WDFY1: variants seen among roughly 807,000 people sequenced by gnomAD.
WDFY1 encodes WD repeat and FYVE domain containing 1.
A neutral mutation model predicts 56.4 loss-of-function variants in WDFY1; 32 were observed. The ratio of observed to expected loss-of-function variants is 0.57; its 90% CI spans 0.43 to 0.76. WDFY1 has a LOEUF of 0.76. Ranked by LOEUF, WDFY1 falls within the 30% of genes least tolerant of loss-of-function variation. The probability of loss-of-function intolerance (pLI) is 0.00; values close to 1 mark genes in which losing one functional copy is unlikely to be tolerated. For synonymous variants in WDFY1, 192 were observed against 197.3 expected (o/e 0.97, Z 0.23); for missense variants, 480 against 545.7 (o/e 0.88, Z 1.20).
At chr2:223,889,849 C>T (rs1574759934) in intron 8 of WDFY1, among the ~76,000 whole-genome samples, 1 of 152,176 alleles carries the variant, frequency 6.6e-6, no homozygotes, top group South Asian at 2.1e-4. Context: ...CATCTAAGTC[C>T]AGGCAATGTG....
chr2:223,894,453 C>CT, intron 7 of WDFY1, 114 bp from the exon 8 acceptor site: 6 of 976,070 alleles, frequency 6.1e-6, no homozygotes, highest in Non-Finnish European at 8.0e-6. Flanking sequence ...TATTTTACCA[C>CT]TGACTATTTA....
intron 11 of WDFY1, among the ~76,000 whole-genome samples, chr2:223,879,607 T>C (rs868061449): frequency 7.1e-4 from 108 of 151,098 alleles, no homozygotes; most frequent in African/African-American, 2.5e-3. Context: ...CCGCAGTGAG[T>C]AGTGACTGTG....
intron 8 of WDFY1, among the ~76,000 whole-genome samples, chr2:223,893,470 CAG>C (rs1363787570): frequency 3.3e-5 from 5 of 151,040 alleles, no homozygotes; most frequent in African/African-American, 9.8e-5. Flanking sequence ...GTTGAGGCTG[CAG>C]AGAGCCAAGA....
At chr2:223,915,147 T>C (rs147977401) in intron 2 of WDFY1, among the ~76,000 whole-genome samples, 1 of 152,238 alleles carries the variant, frequency 6.6e-6, no homozygotes, top group Admixed American at 6.5e-5. Flanking sequence ...TTTCTTCTTG[T>C]GGTGTATCTG....
intron 1 of WDFY1, among the ~76,000 whole-genome samples, chr2:223,941,246 C>T (rs952850688): frequency 8.6e-5 from 13 of 151,636 alleles, no homozygotes; most frequent in African/African-American, 2.9e-4. Context: ...CGTGAGCCAC[C>T]GCACTTGGCC....
At chr2:223,884,599 T>C (rs369058536) in intron 9 of WDFY1, 49 bp downstream of exon 9, 75 of 1,562,490 alleles carry the variant, frequency 4.8e-5, no homozygotes, top group Middle Eastern at 1.7e-4. Context: ...AGTATGCAAA[T>C]AGTGAAATAC....
rs146465725 is a variant in WDFY1, at chr2:223,921,813, C to T, written c.138-3803G>A. Among the ~76,000 whole-genome samples, 157 of 152,116 alleles carry T rather than the reference C, an allele frequency of 1.0e-3. 1 individual carries two copies. Among genetic ancestry groups the T allele is most frequent in the African/African-American group, 3.6e-3 (148 of 41,512 alleles). On this transcript the variant is annotated intron_variant, in intron 1 of 11. Coordinates refer to ENST00000233055, the MANE Select transcript of WDFY1 (RefSeq NM_020830.5). ...CGCTGTTTGTTTTTTAAGAATTAAA[C>T]GATAATTCCCATATATCACGTTTGC... is the stretch of plus-strand genomic sequence containing the variant.
At chr2:223,901,106 A>G (rs1693500286) in intron 5 of WDFY1, 77 bp downstream of exon 5, 2 of 1,485,106 alleles carry the variant, frequency 1.3e-6, no homozygotes, top group Non-Finnish European at 1.8e-6. Flanking sequence ...GATCTCAGCC[A>G]TTTGGGATGA....
chr2:223,900,277 A>G (rs1165387844), intron 5 of WDFY1, among the ~76,000 whole-genome samples: 1 of 152,228 alleles, frequency 6.6e-6, no homozygotes, highest in Admixed American at 6.5e-5. Context: ...AGCACATACT[A>G]TATCAGAGTA....
intron 4 of WDFY1, among the ~76,000 whole-genome samples, chr2:223,904,518 G>T (rs1169241680): frequency 6.6e-6 from 1 of 152,184 alleles, no homozygotes; most frequent in East Asian, 1.9e-4. Flanking sequence ...CTCCCAAAGT[G>T]CTGGGATTAC....
intron 1 of WDFY1, among the ~76,000 whole-genome samples, chr2:223,931,333 A>G (rs1694068530): frequency 6.6e-6 from 1 of 152,228 alleles, no homozygotes; most frequent in Admixed American, 6.5e-5. Flanking sequence ...AAACTTCTGT[A>G]TGCTTTACCT....
Position 223,902,125 on chromosome 2 carries a change from T to A in WDFY1, c.335-792A>T, listed in dbSNP as rs114809475. On this transcript the variant is annotated intron_variant, in intron 4 of 11. Coordinates refer to ENST00000233055, the MANE Select transcript of WDFY1 (RefSeq NM_020830.5). ...AGAAACTGCTGACCTTGCTCTCAGC[T>A]GTACAGACTGCTTAGGAAGAACTGA... is the stretch of plus-strand genomic sequence containing the variant. 3.2e-3 allele frequency among the ~76,000 whole-genome samples: 495 copies of A among 152,318 alleles called. 2 individuals carry two copies. The highest frequency in any genetic ancestry group is 0.011 in the African/African-American group (448 of 41,572).
intron 2 of WDFY1, among the ~76,000 whole-genome samples, chr2:223,915,291 C>T (rs1395470469): frequency 6.6e-6 from 1 of 152,212 alleles, no homozygotes; most frequent in Non-Finnish European, 1.5e-5. Flanking sequence ...CTTTCAAGTT[C>T]CTCCTTCTTG....
chr2:223,898,833 T>A, intron 6 of WDFY1, 125 bp downstream of exon 6: 1 of 716,894 alleles, frequency 1.4e-6, no homozygotes, highest in Non-Finnish European at 2.4e-6. Context: ...ATCCCATATC[T>A]GGCCAATCAA....
intron 9 of WDFY1, among the ~76,000 whole-genome samples, chr2:223,883,181 G>A (rs897687945): frequency 5.3e-5 from 8 of 152,196 alleles, no homozygotes; most frequent in South Asian, 2.1e-4. Flanking sequence ...CATCATACCC[G>A]GTCTAAAATA....
intron 1 of WDFY1, among the ~76,000 whole-genome samples, chr2:223,926,023 T>TA (rs1223589495): frequency 6.6e-6 from 1 of 152,214 alleles, no homozygotes; most frequent in African/African-American, 2.4e-5. Context: ...ACTGACAGTT[T>TA]AACCTTCTCT....
intron 8 of WDFY1, among the ~76,000 whole-genome samples, chr2:223,888,389 T>C (rs1693207956): frequency 6.6e-6 from 1 of 151,880 alleles, no homozygotes; most frequent in South Asian, 2.1e-4. Flanking sequence ...TCAAAGTGAT[T>C]GTCTTCATAA....
intron 1 of WDFY1, among the ~76,000 whole-genome samples, chr2:223,929,586 A>G (rs1694042021): frequency 6.6e-6 from 1 of 151,886 alleles, no homozygotes; most frequent in Non-Finnish European, 1.5e-5. Flanking sequence ...GTGAAAAGCA[A>G]CTCTGTGATT....
At chr2:223,879,933 G>A (rs924489751) in intron 11 of WDFY1, among the ~76,000 whole-genome samples, 191 bp downstream of exon 11, 1 of 152,154 alleles carries the variant, frequency 6.6e-6, no homozygotes, top group African/African-American at 2.4e-5. Flanking sequence ...GCAGAGGGAG[G>A]TGCCACTGGG....
Sources: gnomAD v4.1 joint callset for allele counts (sites outside exome capture counted in the v4.1 genomes callset) on GRCh38, gnomAD v4.1.1 for gene constraint, MANE v1.5 for transcripts, NCBI Gene and HGNC (gene_info 2026-07-23, HGNC 2026-07-21) for gene names.